The following DNAH9 variants were observed in gnomAD, a reference collection of about 807,000 sequenced individuals.
The protein encoded by DNAH9 is DNAH9 variant protein.
Under a neutral mutation model 471.6 loss-of-function variants are expected in DNAH9, and 345 were observed. That is an observed-to-expected ratio of 0.73 (90% confidence interval 0.67 to 0.80). The LOEUF is 0.80. DNAH9 is among the 30% of genes least tolerant of loss of function. DNAH9 has a pLI of 0.00. For missense variants in DNAH9, 5,407 were observed against 5,609.2 expected (o/e 0.96, Z 1.15); for synonymous variants, 2,093 against 2,123.6 (o/e 0.99, Z 0.40).
At chr17:11,850,015 A>T (rs547084839) in intron 49 of DNAH9, among the ~76,000 whole-genome samples, 1 of 152,286 alleles carries the variant, frequency 6.6e-6, no homozygotes, top group African/African-American at 2.4e-5. Flanking sequence ...GCCTCTCTGA[A>T]GCTTATACTC....
chr17:11,668,529 G>C, intron 15 of DNAH9, among the ~76,000 whole-genome samples: 1 of 152,092 alleles, frequency 6.6e-6, no homozygotes, highest in Non-Finnish European at 1.5e-5. Context: ...GCCGGGCATA[G>C]TGTCGCATGC....
intron 62 of DNAH9, 24 bp from the exon 63 acceptor site, chr17:11,929,842 G>T (rs200049212): frequency 2.5e-6 from 4 of 1,598,380 alleles, no homozygotes; most frequent in East Asian, 2.2e-5. Context: ...CTGTATTGAG[G>T]GGGGGCTCCT....
intron 36 of DNAH9, 135 bp downstream of exon 36, chr17:11,763,749 AC>A (rs762575342): frequency 4.2e-5 from 35 of 829,180 alleles, no homozygotes; most frequent in Non-Finnish European, 5.7e-5. Flanking sequence ...TTAGTCATCT[AC>A]CTATTACTCT....
chr17:11,625,527 A>G (rs1462564451), intron 6 of DNAH9, among the ~76,000 whole-genome samples: 1 of 152,200 alleles, frequency 6.6e-6, no homozygotes, highest in Non-Finnish European at 1.5e-5. Flanking sequence ...TGAGATTTTC[A>G]TCTATGAACA....
intron 59 of DNAH9, among the ~76,000 whole-genome samples, chr17:11,900,371 T>A (rs1047886022): frequency 1.3e-5 from 2 of 151,992 alleles, no homozygotes; most frequent in Non-Finnish European, 2.9e-5. Context: ...CCCGGTCACA[T>A]GCCTCTGTCC....
chr17:11,885,486 G>C (rs1166535750), intron 56 of DNAH9, among the ~76,000 whole-genome samples: 1 of 152,092 alleles, frequency 6.6e-6, no homozygotes, highest in African/African-American at 2.4e-5. Flanking sequence ...GTTTCTTTCT[G>C]AGTTGCTTTT....
chr17:11,775,289 A>G (rs1968375071), intron 38 of DNAH9, among the ~76,000 whole-genome samples: 1 of 152,214 alleles, frequency 6.6e-6, no homozygotes, highest in African/African-American at 2.4e-5. Context: ...TTGTAAATGG[A>G]AGCTGTTATT....
intron 35 of DNAH9, among the ~76,000 whole-genome samples, chr17:11,762,624 G>C (rs968188063): frequency 2.0e-5 from 3 of 151,918 alleles, no homozygotes; most frequent in Non-Finnish European, 4.4e-5. Context: ...ATCTGTCCTG[G>C]TCCACTCTAC....
At chr17:11,838,980 T>A (rs1013896059) in intron 49 of DNAH9, among the ~76,000 whole-genome samples, 1 of 152,240 alleles carries the variant, frequency 6.6e-6, no homozygotes, top group Non-Finnish European at 1.5e-5. Flanking sequence ...AGGTGGGTAG[T>A]AAGTCTCTGC....
chr17:11,630,198 G>A (rs918918945), intron 7 of DNAH9: 3 of 152,776 alleles, frequency 2.0e-5, no homozygotes, highest in Non-Finnish European at 4.4e-5. Context: ...ACTTTGGGAG[G>A]ACAAGGCGGG....
chr17:11,902,796 G>A lies in DNAH9; in HGVS notation c.11484G>A (p.Val3828=). 2 of 1,614,056 alleles carry A rather than the reference G, an allele frequency of 1.2e-6. No homozygotes were observed. The highest frequency in any genetic ancestry group is 1.1e-5 in the South Asian group (1 of 91,080). Residue 3828 remains valine, a synonymous_variant, in exon 60 of 69, where the codon GTG becomes GTA. Transcript: ENST00000262442. ...CTGCTAAGAGCTGGAAAAAGTTTGT[G>A]GAGTCCGAATGTCCTGAGAAAGAGA... ...EGSAKSWKKF[V]ESECPEKEKL...
Position 11,704,653 on chromosome 17 carries a change from G to A in DNAH9, c.5391+211G>A, listed in dbSNP as rs58306213. On this transcript the variant is annotated intron_variant, in intron 25 of 68. Coordinates refer to ENST00000262442, the MANE Select transcript of DNAH9 (RefSeq NM_001372.4). ...GGCTGGAGTGCAATGGCACGATCTCGGCTCACCGCAACCTCCACCTCTCGG... is the reference window on the plus strand; with the variant it reads ...GGCTGGAGTGCAATGGCACGATCTCAGCTCACCGCAACCTCCACCTCTCGG... Among the ~76,000 whole-genome samples the A allele has an allele frequency of 9.3e-3, 1,393 of 149,940 alleles. 22 individuals carry two copies. The highest frequency in any genetic ancestry group is 0.032 in the African/African-American group (1,291 of 40,662).
intron 28 of DNAH9, among the ~76,000 whole-genome samples, chr17:11,731,363 A>T (rs1028464933): frequency 1.3e-5 from 2 of 151,098 alleles, no homozygotes; most frequent in African/African-American, 4.9e-5. Flanking sequence ...AGGGTAGGGA[A>T]AAAGGGTTCA....
intron 7 of DNAH9, among the ~76,000 whole-genome samples, chr17:11,631,258 G>A (rs1416463948): frequency 6.6e-6 from 1 of 152,116 alleles, no homozygotes; most frequent in Non-Finnish European, 1.5e-5. Flanking sequence ...CCAGAAAAAG[G>A]AATGGCAGAA....
intron 67 of DNAH9, among the ~76,000 whole-genome samples, chr17:11,953,437 G>A (rs1462948594): frequency 1.3e-5 from 2 of 152,188 alleles, no homozygotes; most frequent in African/African-American, 4.8e-5. Context: ...CAAATGGGAT[G>A]AAGTGAAGTG....
rs1169340689 is a variant in DNAH9, at chr17:11,690,277, C to A, written c.4455C>A (p.Ser1485=). 5 of 1,614,102 alleles carry A rather than the reference C, an allele frequency of 3.1e-6. No homozygotes were observed. Among genetic ancestry groups the A allele is most frequent in the Non-Finnish European group, 3.4e-6 (4 of 1,180,020 alleles). The part of the protein sequence containing the change: ...NQVQLQNLVM[S]KYVAFFLEEV... ...TTCAACTTCAGAACCTGGTGATGTCCAAGTATGTTGCTTTCTTCTTGGAGG... is the reference window on the plus strand; with the variant it reads ...TTCAACTTCAGAACCTGGTGATGTCAAAGTATGTTGCTTTCTTCTTGGAGG... Residue 1485 remains serine, a synonymous_variant, in exon 20 of 69, where the codon TCC becomes TCA. Coordinates refer to ENST00000262442, the MANE Select transcript of DNAH9 (RefSeq NM_001372.4).
chr17:11,847,086 T>C (rs919007521), intron 49 of DNAH9, among the ~76,000 whole-genome samples: 1 of 152,212 alleles, frequency 6.6e-6, no homozygotes, highest in Non-Finnish European at 1.5e-5. Context: ...TAAATTTAAG[T>C]TCCTTATAGC....
chr17:11,678,561 T>C (rs928369524), intron 17 of DNAH9, among the ~76,000 whole-genome samples: 17 of 152,382 alleles, frequency 1.1e-4, no homozygotes, highest in African/African-American at 3.8e-4. Flanking sequence ...GGCTTCCATT[T>C]GTGTTGCCGA....
At chr17:11,683,407 C>T (rs1294462658) in intron 19 of DNAH9, among the ~76,000 whole-genome samples, 2 of 152,112 alleles carry the variant, frequency 1.3e-5, no homozygotes, top group Admixed American at 6.6e-5. Flanking sequence ...CTCCTGACCT[C>T]GTGATCCTCC....
Sources: allele counts gnomAD v4.1 joint callset (sites outside exome capture counted in the v4.1 genomes callset), GRCh38; gene constraint gnomAD v4.1.1; transcripts MANE v1.5; gene names NCBI Gene and HGNC (gene_info 2026-07-23, HGNC 2026-07-21).